The following ERCC6L2 variants were observed in gnomAD, a reference collection of about 807,000 sequenced individuals.
ERCC6L2 encodes the protein ERCC excision repair 6 like 2.
A neutral mutation model predicts 132.0 loss-of-function variants in ERCC6L2; 77 were observed. The ratio of observed to expected loss-of-function variants is 0.58; its 90% CI spans 0.49 to 0.71. The LOEUF is 0.71. Ranked by LOEUF, ERCC6L2 falls within the 30% of genes least tolerant of loss-of-function variation. ERCC6L2 has a pLI of 0.00. For missense variants in ERCC6L2, 1,542 were observed against 1,837.6 expected (o/e 0.84, Z 2.94); for synonymous variants, 583 against 632.4 (o/e 0.92, Z 1.17).
intron 1 of ERCC6L2, among the ~76,000 whole-genome samples, chr9:95,877,541 C>T (rs1479129843): frequency 6.6e-6 from 1 of 152,004 alleles, no homozygotes; most frequent in African/African-American, 2.4e-5. Flanking sequence ...TGTAATAGGC[C>T]AGGCGCATGG....
chr9:95,921,357 C>T, intron 7 of ERCC6L2, 42 bp downstream of exon 7: 1 of 1,518,680 alleles, frequency 6.6e-7, no homozygotes, highest in Non-Finnish European at 9.0e-7. Flanking sequence ...CTTTTGATTA[C>T]ATAGTACTCT....
intron 17 of ERCC6L2, among the ~76,000 whole-genome samples, chr9:96,004,306 A>G (rs1169531308): frequency 6.6e-6 from 1 of 152,246 alleles, no homozygotes; most frequent in East Asian, 1.9e-4. Context: ...ATTATTGCCA[A>G]TACTTGTATA....
chr9:95,877,392 C>T (rs1827335491), intron 1 of ERCC6L2, among the ~76,000 whole-genome samples: 1 of 151,958 alleles, frequency 6.6e-6, no homozygotes, highest in African/African-American at 2.4e-5. Context: ...TTCTTAGACC[C>T]CTTTCCCTTT....
In ERCC6L2 at chr9:95,915,649, C is replaced by CT. The variant is rs765954955; in HGVS notation, c.789-13dup. The CT allele has an allele frequency of 1.3e-5, 20 of 1,589,108 alleles. No homozygotes were observed. Among genetic ancestry groups the CT allele is most frequent in the Non-Finnish European group, 1.7e-5 (20 of 1,169,822 alleles). ...AGGAAGTTTTCTCAACCTCACCCTT[C>CT]TTTTTTCTTACTTTATAGTTTGGAA... On this transcript the variant is annotated intron_variant, in intron 4 of 18. Coordinates refer to ENST00000653738, the MANE Select transcript of ERCC6L2 (RefSeq NM_020207.7).
chr9:95,881,812 A>G (rs987065264), intron 2 of ERCC6L2, among the ~76,000 whole-genome samples: 4 of 152,204 alleles, frequency 2.6e-5, no homozygotes, highest in African/African-American at 9.6e-5. Context: ...ACACATACAT[A>G]CTTTCCTAAA....
chr9:95,981,526 C>G (rs570585631), intron 17 of ERCC6L2, among the ~76,000 whole-genome samples: 17 of 152,142 alleles, frequency 1.1e-4, no homozygotes, highest in Admixed American at 2.6e-4. Context: ...AAAATAAGAA[C>G]ACATTTTGCC....
Position 96,016,243 on chromosome 9 carries a change from T to C in ERCC6L2, c.*3040T>C, listed in dbSNP as rs931547640. Among the ~76,000 whole-genome samples, 17 of 152,214 alleles carry C rather than the reference T, an allele frequency of 1.1e-4. No individual in the cohort carries two copies. Among genetic ancestry groups the C allele is most frequent in the Non-Finnish European group, 1.9e-4 (13 of 68,030 alleles). ...TTAAAGCAACTGAACTGTATCTTAATCAGAAACTTAACTAGTAAAACAATT... is the reference window on the plus strand; with the variant it reads ...TTAAAGCAACTGAACTGTATCTTAACCAGAAACTTAACTAGTAAAACAATT... On this transcript the variant is annotated 3_prime_UTR_variant, in exon 19 of 19. Transcript: ENST00000653738.
chr9:95,901,244 C>T (rs868772057), intron 3 of ERCC6L2, among the ~76,000 whole-genome samples: 17 of 151,766 alleles, frequency 1.1e-4, no homozygotes, highest in African/African-American at 3.4e-4. Context: ...AGTGTCAACC[C>T]GATTTTTTTC....
At chr9:95,892,749 T>C (rs1828238570) in intron 2 of ERCC6L2, among the ~76,000 whole-genome samples, 1 of 152,198 alleles carries the variant, frequency 6.6e-6, no homozygotes, top group Admixed American at 6.5e-5. Flanking sequence ...TTTAATCTGC[T>C]AGTTTTACCT....
rs562497455 is a variant in ERCC6L2, at chr9:96,032,283, G to A, written c.*1504-6593G>A. On this transcript the variant is annotated intron_variant and NMD_transcript_variant, in intron 19 of 20. Transcript: ENST00000670016. ...CACTGGAAACCCCCAGGAACGAGCA[G>A]CTCCACTCATGTTGGGCAGCTGCCG... Among the ~76,000 whole-genome samples, 4 of 152,292 alleles carry A rather than the reference G, an allele frequency of 2.6e-5. No individual in the cohort carries two copies. In the South Asian group the frequency reaches 8.3e-4, roughly 32 times the overall value.
At chr9:95,958,809 C>T (rs1255444575) in intron 13 of ERCC6L2, among the ~76,000 whole-genome samples, 2 of 152,104 alleles carry the variant, frequency 1.3e-5, no homozygotes, top group African/African-American at 4.8e-5. Context: ...ACCTAGGAAT[C>T]CTACTTACAA....
At chr9:95,919,757 G>T (rs1317033394) in intron 6 of ERCC6L2, among the ~76,000 whole-genome samples, 1 of 152,162 alleles carries the variant, frequency 6.6e-6, no homozygotes, top group East Asian at 1.9e-4. Context: ...TGACTTCACA[G>T]GATTTACAAC....
intron 12 of ERCC6L2, 70 bp from the exon 13 acceptor site, chr9:95,955,844 T>C: frequency 1.4e-6 from 1 of 732,026 alleles, no homozygotes; most frequent in Non-Finnish European, 2.2e-6. Flanking sequence ...CATTTTTATG[T>C]CCCCAAGTTA....
chr9:95,954,999 G>C (rs781493087), intron 12 of ERCC6L2: 7 of 413,430 alleles, frequency 1.7e-5, no homozygotes, highest in Non-Finnish European at 3.5e-5. Flanking sequence ...CCCCCAAATT[G>C]TGACATTTTC....
intron 2 of ERCC6L2, among the ~76,000 whole-genome samples, chr9:95,888,847 A>G (rs1828012594): frequency 6.6e-6 from 1 of 152,180 alleles, no homozygotes; most frequent in African/African-American, 2.4e-5. Flanking sequence ...TCTTTTGTGT[A>G]TTGACACTTT....
At chr9:95,956,055 A>G in intron 13 of ERCC6L2, 42 bp downstream of exon 13, 1 of 1,212,998 alleles carries the variant, frequency 8.2e-7, no homozygotes, top group South Asian at 1.4e-5. Context: ...GTCAACATTT[A>G]TCTGTTTTCA....
At chr9:95,907,338 GTT>G (rs36115321) in intron 4 of ERCC6L2, 67 bp downstream of exon 4, 8,425 of 539,052 alleles carry the variant, frequency 0.016, no homozygotes, top group Middle Eastern at 0.026. Context: ...TATATTAAGA[GTT>G]TTTTTTTTTT....
chr9:95,993,710 A>T (rs1192429679), intron 17 of ERCC6L2, among the ~76,000 whole-genome samples: 1 of 152,190 alleles, frequency 6.6e-6, no homozygotes, highest in Non-Finnish European at 1.5e-5. Context: ...AGCCAATATA[A>T]AGTTGTCCTT....
At chr9:96,036,768 TATTTA>T (rs1420023078) in intron 19 of ERCC6L2, among the ~76,000 whole-genome samples, 6 of 134,460 alleles carry the variant, frequency 4.5e-5, no homozygotes, top group East Asian at 2.2e-4. Context: ...TTATTATTTT[TATTTA>T]TTTTTTTTTT....
Sources: gnomAD v4.1 joint callset for allele counts (sites outside exome capture counted in the v4.1 genomes callset) on GRCh38, gnomAD v4.1.1 for gene constraint, MANE v1.5 for transcripts, NCBI Gene and HGNC (gene_info 2026-07-23, HGNC 2026-07-21) for gene names.